Variants in ATRN observed in about 807,000 individuals in gnomAD.
ATRN encodes the protein attractin-2.
In ATRN, 54 loss-of-function variants were observed where a neutral mutation model predicts 178.7. That is an observed-to-expected ratio of 0.30 (90% CI 0.24 to 0.38). ATRN has a LOEUF of 0.38. Among genes scored for constraint, ATRN ranks in the 10% least tolerant of loss-of-function variants. The pLI, the probability that ATRN is intolerant of heterozygous loss-of-function variation, is 1.00. For synonymous variants in ATRN, 636 were observed against 663.0 expected (o/e 0.96, Z 0.63); for missense variants, 1,443 against 1,815.1 (o/e 0.79, Z 3.73).
chr20:3,577,793 T>G (rs1600124191), intron 14 of ATRN, among the ~76,000 whole-genome samples: 1 of 152,218 alleles, frequency 6.6e-6, no homozygotes, highest in East Asian at 1.9e-4. Flanking sequence ...GTGCATTTTA[T>G]CTAGTCGACT....
chr20:3,514,942 G>A (rs1228882580), intron 1 of ATRN, among the ~76,000 whole-genome samples: 8 of 152,116 alleles, frequency 5.3e-5, no homozygotes, highest in African/African-American at 1.7e-4. Flanking sequence ...TGGTGACAAA[G>A]CAAGACACTG....
In ATRN at chr20:3,506,081, T is replaced by TAC. The variant is rs767968285; in HGVS notation, c.411-29160_411-29159dup. Among the ~76,000 whole-genome samples, 7 of 151,152 alleles carry TAC rather than the reference T, an allele frequency of 4.6e-5. No individual in the cohort carries two copies. The East Asian group carries it at 7.7e-4, about 17-fold the overall frequency. ...TGACACATACACATACACATACACA[T>TAC]ACACACACACACAAATGAGTGCAAG... On this transcript the variant is annotated intron_variant, in intron 1 of 28. Coordinates refer to ENST00000262919, the MANE Select transcript of ATRN (RefSeq NM_139321.3).
chr20:3,631,071 C>G (rs993443868), intron 25 of ATRN, among the ~76,000 whole-genome samples: 1 of 151,250 alleles, frequency 6.6e-6, no homozygotes, highest in Admixed American at 6.6e-5. Context: ...ACCTCAGTCT[C>G]CCAAGTAGAG....
chr20:3,621,536 G>A (rs1450431564), intron 24 of ATRN, among the ~76,000 whole-genome samples: 1 of 152,128 alleles, frequency 6.6e-6, no homozygotes, highest in African/African-American at 2.4e-5. Flanking sequence ...GTGAATTCTA[G>A]GTTTCTTGGA....
At chr20:3,633,181 TAGC>T (rs1169917422) in intron 25 of ATRN, among the ~76,000 whole-genome samples, 1 of 152,126 alleles carries the variant, frequency 6.6e-6, no homozygotes, top group Non-Finnish European at 1.5e-5. Context: ...AGTGTCCTGA[TAGC>T]AGAGAGGCCC....
chr20:3,578,388 A>G (rs2086239637), intron 14 of ATRN, among the ~76,000 whole-genome samples, 194 bp from the exon 15 acceptor site: 1 of 152,196 alleles, frequency 6.6e-6, no homozygotes. Context: ...GGGAGATATC[A>G]CCAGTAAACA....
intron 24 of ATRN, among the ~76,000 whole-genome samples, chr20:3,613,642 A>T (rs2086797098): frequency 6.6e-6 from 1 of 152,222 alleles, no homozygotes; most frequent in African/African-American, 2.4e-5. Flanking sequence ...ATGGCTTTCG[A>T]TGCAGGCAAA....
intron 6 of ATRN, 132 bp from the exon 7 acceptor site, chr20:3,559,261 A>T: frequency 1.5e-6 from 1 of 681,428 alleles, no homozygotes; most frequent in Non-Finnish European, 2.6e-6. Context: ...TTATTTGTGA[A>T]GGTGACAAGT....
chr20:3,620,848 G>C (rs1310974949), intron 24 of ATRN, among the ~76,000 whole-genome samples: 1 of 152,204 alleles, frequency 6.6e-6, no homozygotes, highest in Non-Finnish European at 1.5e-5. Flanking sequence ...CAGGATGTCT[G>C]TCTTTACACA....
At chr20:3,599,334 T>C (rs1318214230) in intron 22 of ATRN, among the ~76,000 whole-genome samples, 1 of 152,166 alleles carries the variant, frequency 6.6e-6, no homozygotes, top group Admixed American at 6.5e-5. Context: ...ATTAATGTCA[T>C]TAAAAAAATA....
At chr20:3,493,333 T>A (rs1041054378) in intron 1 of ATRN, among the ~76,000 whole-genome samples, 1 of 151,154 alleles carries the variant, frequency 6.6e-6, no homozygotes, top group African/African-American at 2.4e-5. Context: ...ATTTTTTTTT[T>A]TTTTTTGGTA....
intron 6 of ATRN, among the ~76,000 whole-genome samples, chr20:3,553,212 G>C (rs2085814009): frequency 6.6e-6 from 1 of 151,986 alleles, no homozygotes; most frequent in Non-Finnish European, 1.5e-5. Context: ...GCCTTCTGCT[G>C]TTATACTAGA....
intron 24 of ATRN, among the ~76,000 whole-genome samples, chr20:3,604,769 A>G (rs970607356): frequency 4.6e-5 from 7 of 152,198 alleles, no homozygotes; most frequent in East Asian, 1.9e-4. Context: ...CCTGGCTCCT[A>G]TACAAATCAT....
chr20:3,542,302 A>G (rs770632657), intron 3 of ATRN, among the ~76,000 whole-genome samples: 17 of 152,162 alleles, frequency 1.1e-4, no homozygotes, highest in Non-Finnish European at 2.4e-4. Context: ...CTCTTGTTGT[A>G]TGCCAGGCAC....
chr20:3,565,591 A>C (rs235569), intron 11 of ATRN, among the ~76,000 whole-genome samples, 159 bp downstream of exon 11: 114,414 of 151,962 alleles, frequency 0.75, 43,509 homozygotes, highest in East Asian at 1. Context: ...CATGGTAAAG[A>C]CCCATCTCTA....
At chr20:3,528,673 A>G (rs1388877975) in intron 1 of ATRN, among the ~76,000 whole-genome samples, 1 of 152,066 alleles carries the variant, frequency 6.6e-6, no homozygotes, top group Non-Finnish European at 1.5e-5. Context: ...TTATCTGTAC[A>G]TCAAACCCCT....
At chr20:3,480,092 A>G (rs370085602) in intron 1 of ATRN, among the ~76,000 whole-genome samples, 2 of 152,118 alleles carry the variant, frequency 1.3e-5, no homozygotes, top group East Asian at 3.9e-4. Context: ...GAGGGGTGTA[A>G]TGGAAGGAAG....
At chr20:3,567,789 C>G (rs235566) in intron 11 of ATRN, among the ~76,000 whole-genome samples, 115,342 of 151,962 alleles carry the variant, frequency 0.76, 44,191 homozygotes, top group East Asian at 1. Context: ...GCAGGAGATG[C>G]AGCTGTGCCT....
intron 1 of ATRN, among the ~76,000 whole-genome samples, chr20:3,472,487 G>T (rs986761482): frequency 6.6e-6 from 1 of 152,188 alleles, no homozygotes; most frequent in African/African-American, 2.4e-5. Flanking sequence ...TGCTCTCATT[G>T]ACCTTAACAT....
Sources: allele counts gnomAD v4.1 joint callset (sites outside exome capture counted in the v4.1 genomes callset), GRCh38; gene constraint gnomAD v4.1.1; transcripts MANE v1.5; gene names NCBI Gene and HGNC (gene_info 2026-07-23, HGNC 2026-07-21).